Variants in NEBL observed in about 807,000 individuals in gnomAD.
NEBL encodes LIM and SH3 protein 2.
Under a neutral mutation model 140.2 loss-of-function variants are expected in NEBL, and 122 were observed. That is an observed-to-expected ratio of 0.87 (90% CI 0.75 to 1.01). The LOEUF is 1.01. NEBL is among the 50% of genes least tolerant of loss of function. The pLI is 0.00. For synonymous variants in NEBL, 436 were observed against 398.9 expected (o/e 1.09, Z -1.11); for missense variants, 1,365 against 1,231.3 (o/e 1.11, Z -1.62).
At chr10:20,893,258 C>T (rs1588961666) in intron 2 of NEBL, among the ~76,000 whole-genome samples, 1 of 152,144 alleles carries the variant, frequency 6.6e-6, no homozygotes, top group East Asian at 1.9e-4. Context: ...ATTCTGAATG[C>T]TCAATAGAGA....
intron 26 of NEBL, among the ~76,000 whole-genome samples, chr10:20,799,987 G>A (rs1425795379): frequency 5.9e-5 from 9 of 151,896 alleles, no homozygotes; most frequent in Non-Finnish European, 1.3e-4. Context: ...GTGAGAGAGC[G>A]AGCAAAGGGC....
At chr10:21,062,182 A>C (rs1435712965) in intron 2 of NEBL, among the ~76,000 whole-genome samples, 1 of 152,222 alleles carries the variant, frequency 6.6e-6, no homozygotes, top group African/African-American at 2.4e-5. Flanking sequence ...CAGCAGGTGC[A>C]ATGGGACAAA....
chr10:21,056,439 G>A (rs1300179547), intron 2 of NEBL, among the ~76,000 whole-genome samples: 3 of 152,138 alleles, frequency 2.0e-5, no homozygotes, highest in Admixed American at 6.6e-5. Context: ...CTGTCCTCCC[G>A]GAACTTTAAA....
chr10:21,096,568 C>CAGTG (rs1739231812), intron 2 of NEBL, among the ~76,000 whole-genome samples: 1 of 151,518 alleles, frequency 6.6e-6, no homozygotes, highest in South Asian at 2.1e-4. Context: ...TGCTGGAGAG[C>CAGTG]AGTGACCTGA....
intron 4 of NEBL, among the ~76,000 whole-genome samples, chr10:20,917,089 G>T (rs549841380): frequency 1.3e-5 from 2 of 152,232 alleles, no homozygotes; most frequent in South Asian, 4.1e-4. Context: ...CCTGATTATG[G>T]GAACTAGACC....
At chr10:20,858,579 G>T (rs990929520) in intron 8 of NEBL, among the ~76,000 whole-genome samples, 1 of 152,132 alleles carries the variant, frequency 6.6e-6, no homozygotes, top group Non-Finnish European at 1.5e-5. Flanking sequence ...TATTCAGGAA[G>T]GGTAATGTCA....
At chr10:20,899,451 C>T, upstream of NEBL, 1 of 1,294,724 alleles carries the variant, frequency 7.7e-7, no homozygotes, top group Non-Finnish European at 1.0e-6. Flanking sequence ...CTTCACTGTG[C>T]TGCAAGAAAA....
intron 4 of NEBL, among the ~76,000 whole-genome samples, chr10:20,910,828 GTT>G (rs5783756): frequency 1.0e-3 from 148 of 146,562 alleles, no homozygotes; most frequent in Middle Eastern, 3.5e-3. Context: ...TTTCGTTTTT[GTT>G]TTTTTTTTTT....
Position 20,826,474 on chromosome 10 carries a change from C to T in NEBL, c.1842G>A (p.Val614=), listed in dbSNP as rs973778447. ...AVKDSPEIER[V]KKNQQNISSV... The stretch of plus-strand genomic sequence containing the variant: ...AACTAATATTCTGCTGATTTTTCTT[C>T]ACTCGTTCGATCTCTGGGCTATCTT... The change falls in exon 18 of 28, where the codon GTG becomes GTA. Residue 614 remains valine (V), a synonymous_variant. Coordinates refer to ENST00000377122, the MANE Select transcript of NEBL (RefSeq NM_006393.3). 1 of 1,612,820 alleles carries T rather than the reference C, an allele frequency of 6.2e-7. No homozygotes were observed. The highest frequency in any genetic ancestry group is 1.3e-5 in the African/African-American group (1 of 74,980).
chr10:20,884,954 C>T (rs1846363569), intron 4 of NEBL, among the ~76,000 whole-genome samples: 1 of 152,194 alleles, frequency 6.6e-6, no homozygotes, highest in African/African-American at 2.4e-5. Context: ...ATCTCTCTCT[C>T]TTTTTCTGGC....
intron 5 of NEBL, among the ~76,000 whole-genome samples, chr10:20,871,613 T>C (rs1844943366): frequency 6.6e-6 from 1 of 152,212 alleles, no homozygotes; most frequent in South Asian, 2.1e-4. Flanking sequence ...ACTACACTTA[T>C]AATCATGAAT....
chr10:20,837,079 G>A (rs1840972366), intron 13 of NEBL, among the ~76,000 whole-genome samples: 1 of 152,020 alleles, frequency 6.6e-6, no homozygotes, highest in Admixed American at 6.6e-5. Context: ...CCCTACAATG[G>A]CCCCTAGATG....
At chr10:21,140,133 C>T (rs757293826) in intron 2 of NEBL, among the ~76,000 whole-genome samples, 2 of 152,012 alleles carry the variant, frequency 1.3e-5, no homozygotes, top group African/African-American at 2.4e-5. Context: ...TACACTTCAG[C>T]GTGGTCGACA....
intron 2 of NEBL, among the ~76,000 whole-genome samples, chr10:21,043,527 G>T (rs898699965): frequency 1.3e-5 from 2 of 152,158 alleles, no homozygotes; most frequent in African/African-American, 4.8e-5. Context: ...GCATGCATGT[G>T]ACTCAATTTT....
intron 4 of NEBL, among the ~76,000 whole-genome samples, chr10:20,920,178 C>A (rs922130509): frequency 6.6e-6 from 1 of 152,094 alleles, no homozygotes; most frequent in Non-Finnish European, 1.5e-5. Context: ...AAAAACAGGC[C>A]CTGTCATATA....
chr10:21,055,615 G>A (rs1034453659), intron 2 of NEBL, among the ~76,000 whole-genome samples: 1 of 152,148 alleles, frequency 6.6e-6, no homozygotes, highest in Non-Finnish European at 1.5e-5. Context: ...TCTCGGTTCT[G>A]TCATCCCTAA....
chr10:21,202,499 T>C (rs1482375966), intron 3 of NEBL, among the ~76,000 whole-genome samples: 1 of 147,944 alleles, frequency 6.8e-6, no homozygotes, highest in Non-Finnish European at 1.5e-5. Context: ...AGTCTTGCTC[T>C]GTCGCCCAGG....
chr10:21,227,727 TTCTTCTTC>T (rs1842184030), intron 3 of NEBL, among the ~76,000 whole-genome samples: 65 of 111,724 alleles, frequency 5.8e-4, no homozygotes, highest in African/African-American at 2.3e-3. Context: ...CTTCTTCTTC[TTCTTCTTC>T]TTCTTCTTCT....
At chr10:20,853,430 G>A (rs1459601759) in intron 9 of NEBL, among the ~76,000 whole-genome samples, 1 of 152,108 alleles carries the variant, frequency 6.6e-6, no homozygotes, top group Non-Finnish European at 1.5e-5. Context: ...ACAGATGAAT[G>A]AATAAAGAAA....
Sources: allele counts gnomAD v4.1 joint callset (sites outside exome capture counted in the v4.1 genomes callset), GRCh38; gene constraint gnomAD v4.1.1; transcripts MANE v1.5; gene names NCBI Gene and HGNC (gene_info 2026-07-23, HGNC 2026-07-21).